PAX2: variants seen among roughly 807,000 people sequenced by gnomAD.
PAX2 encodes paired box protein Pax-2.
In PAX2, 9 loss-of-function variants were observed where a neutral mutation model predicts 41.7. The ratio of observed to expected loss-of-function variants is 0.22; its 90% CI spans 0.13 to 0.38. The LOEUF is 0.38. PAX2 is among the 10% of genes least tolerant of loss of function. The pLI is 1.00. For missense variants in PAX2, 418 were observed against 531.6 expected, an observed-to-expected ratio of 0.79 and a Z score of 2.10; for synonymous variants, 221 against 212.7, an observed-to-expected ratio of 1.04 and a Z score of -0.34.
chr10:100,772,983 G>A (rs930402826), intron 3 of PAX2, among the ~76,000 whole-genome samples: 5 of 152,182 alleles, frequency 3.3e-5, no homozygotes, highest in South Asian at 4.1e-4. Context: ...GAGGTTCAGG[G>A]AAACCTCTCA....
rs1478068496 is a variant in PAX2, at chr10:100,829,457, T to TCCCGC, written c.*1843_*1847dup. On this transcript the variant is annotated 3_prime_UTR_variant, in exon 10 of 10. Transcript: ENST00000355243. ...GGCGGCCGAAGGCCGGGCCGCCCCG[T>TCCCGC]CCCGCCCCGTAGTTGCTCTTTCGGT... 4.9e-6 allele frequency: 1 copy of TCCCGC among 205,802 alleles called. No individual in the cohort carries two copies. The highest frequency in any genetic ancestry group is 1.0e-5 in the Non-Finnish European group (1 of 100,166). 12.7% of individuals were successfully genotyped at this position (205,802 alleles called of 1,614,324 possible).
In PAX2 at chr10:100,791,641, G is replaced by A. The variant is rs567484189; in HGVS notation, c.616+10276G>A. On this transcript the variant is annotated intron_variant, in intron 5 of 9. Coordinates refer to ENST00000355243, the MANE Select transcript of PAX2 (RefSeq NM_000278.5). The surrounding 1 kb of genome is among the most constrained non-coding windows in gnomAD (Gnocchi z 4.5). ...GCCAGTGACAGAGGGAGAGATGCGC[G>A]GACACACTCACACACCCTTGCTGGC... Among the ~76,000 whole-genome samples, 4 of 152,302 alleles carry A rather than the reference G, an allele frequency of 2.6e-5. No individual in the cohort carries two copies. The highest frequency in any genetic ancestry group is 1.3e-4 in the Admixed American group (2 of 15,306).
intron 3 of PAX2, among the ~76,000 whole-genome samples, chr10:100,753,551 C>T (rs192068942): frequency 9.2e-5 from 14 of 152,244 alleles, no homozygotes; most frequent in Middle Eastern, 3.4e-3. Flanking sequence ...CACCGGGGAA[C>T]GGGTGGTTCT....
intron 7 of PAX2, among the ~76,000 whole-genome samples, chr10:100,811,211 T>TAGTG (rs1332043207): frequency 6.6e-6 from 1 of 152,222 alleles, no homozygotes; most frequent in East Asian, 1.9e-4. Context: ...TTTGGATTAA[T>TAGTG]AGTGCCATTA....
At chr10:100,778,922 G>C (rs1846498638) in intron 3 of PAX2, among the ~76,000 whole-genome samples, 1 of 152,318 alleles carries the variant, frequency 6.6e-6, no homozygotes, top group South Asian at 2.1e-4. Context: ...CAAAGGGACT[G>C]TGTGCTGTGT....
At chr10:100,742,274 A>G (rs1258818298), upstream of PAX2, among the ~76,000 whole-genome samples, 1 of 152,178 alleles carries the variant, frequency 6.6e-6, no homozygotes, top group Non-Finnish European at 1.5e-5. Flanking sequence ...TTTGCACAAC[A>G]TGCCCAGAAA....
At chr10:100,825,448 A>G (rs750149073) in intron 8 of PAX2, among the ~76,000 whole-genome samples, 1 of 152,162 alleles carries the variant, frequency 6.6e-6, no homozygotes, top group Non-Finnish European at 1.5e-5. Flanking sequence ...GCTGTATTTA[A>G]GGTCTGGTGA....
rs575538598 is a variant in PAX2, at chr10:100,772,422, G to A, written c.411-7076G>A. Among the ~76,000 whole-genome samples, 30 of 152,332 alleles carry A rather than the reference G, an allele frequency of 2.0e-4. 1 individual carries two copies. The East Asian group carries it at 2.7e-3, about 14-fold the overall frequency. Reference sequence around the variant, plus strand: ...ACCTGCCTCAGCCTCCCAAAGTGCTGGGATTATAGGCATAAGCCACCATGC... The same window carrying A: ...ACCTGCCTCAGCCTCCCAAAGTGCTAGGATTATAGGCATAAGCCACCATGC... On this transcript the variant is annotated intron_variant, in intron 3 of 9. Transcript: ENST00000355243.
At chr10:100,781,454 T>C in intron 5 of PAX2, 89 bp downstream of exon 5, 1 of 1,366,524 alleles carries the variant, frequency 7.3e-7, no homozygotes, top group East Asian at 2.3e-5. Context: ...TCGCAGCTGC[T>C]CTGCTGTGAG....
Position 100,740,069 on chromosome 10 carries a change from C to T in PAX2, c.25+4336C>T, listed in dbSNP as rs576822011. ...GAGCCTCCTCCCAGCCAGGCCTCTC[C>T]CCACCGTCTCCTGTCCGCTCTGGCT... On this transcript the variant is annotated intron_variant, in intron 1 of 9. Transcript: ENST00000679374. Among the ~76,000 whole-genome samples, 5 of 152,336 alleles carry T rather than the reference C, an allele frequency of 3.3e-5. No individual in the cohort carries two copies. The South Asian group carries it at 8.3e-4, about 25-fold the overall frequency.
At chr10:100,790,689 G>A (rs1847077111) in intron 5 of PAX2, among the ~76,000 whole-genome samples, 1 of 152,224 alleles carries the variant, frequency 6.6e-6, no homozygotes, top group African/African-American at 2.4e-5. Context: ...AGGCTAGGGA[G>A]ACCCCAGATC....
At chr10:100,808,463 T>A in intron 6 of PAX2, among the ~76,000 whole-genome samples, 1 of 152,148 alleles carries the variant, frequency 6.6e-6, no homozygotes, top group South Asian at 2.1e-4. Context: ...TGCCCAGCTC[T>A]GGGGTCTGGC....
At chr10:100,752,243 T>C (rs1232999766) in intron 3 of PAX2, among the ~76,000 whole-genome samples, 1 of 152,218 alleles carries the variant, frequency 6.6e-6, no homozygotes, top group Non-Finnish European at 1.5e-5. Context: ...CAGCTAATTA[T>C]ACACCCTCCG....
chr10:100,829,411 G>A lies in PAX2; in HGVS notation c.*1792G>A. 4.9e-6 allele frequency: 1 copy of A among 206,154 alleles called. No individual in the cohort carries two copies. The allele number at this position is 206,154 out of a possible 1,614,324, so 12.8% of individuals were successfully genotyped here. ...CCAGCCCCCGGGCTCGCCCCCTCGC[G>A]GGCGTGCCCCGCGCGCCCCGGGCGG... On this transcript the variant is annotated 3_prime_UTR_variant, in exon 10 of 10. Coordinates refer to ENST00000355243, the MANE Select transcript of PAX2 (RefSeq NM_000278.5).
intron 3 of PAX2, among the ~76,000 whole-genome samples, chr10:100,761,572 A>G (rs1845846216): frequency 6.6e-6 from 1 of 152,274 alleles, no homozygotes; most frequent in Non-Finnish European, 1.5e-5. Flanking sequence ...CTAACTGAGC[A>G]TTAATCGCAT....
At chr10:100,808,973 C>G in intron 6 of PAX2, 137 bp from the exon 7 acceptor site, 3 of 813,776 alleles carry the variant, frequency 3.7e-6, no homozygotes, top group Admixed American at 1.7e-5. Context: ...ACCAAGCCCC[C>G]GCATCTCCCC....
chr10:100,776,209 T>C (rs754148851), intron 3 of PAX2, among the ~76,000 whole-genome samples: 3 of 152,208 alleles, frequency 2.0e-5, no homozygotes, highest in Non-Finnish European at 4.4e-5. Context: ...TTCCAAAAAC[T>C]TCTGAGGCAA....
intron 7 of PAX2, among the ~76,000 whole-genome samples, chr10:100,820,316 CT>C (rs773868195): frequency 3.9e-5 from 6 of 152,208 alleles, no homozygotes; most frequent in Non-Finnish European, 5.9e-5. Flanking sequence ...GTATCATTTA[CT>C]AGCTGTGTAG....
Position 100,750,435 on chromosome 10 carries a change from G to A in PAX2, c.213-259G>A, listed in dbSNP as rs1461641092. Among the ~76,000 whole-genome samples, 1 of 152,162 alleles carries A rather than the reference G, an allele frequency of 6.6e-6. No individual in the cohort carries two copies. The highest frequency in any genetic ancestry group is 2.4e-5 in the African/African-American group (1 of 41,444). On this transcript the variant is annotated intron_variant, in intron 2 of 9. Coordinates refer to ENST00000355243, the MANE Select transcript of PAX2 (RefSeq NM_000278.5). The surrounding 1 kb of genome is among the most constrained non-coding windows in gnomAD (Gnocchi z 4.1). ...TGAAAGGCTGGGCTTTCACTCCCAC[G>A]GGTGCCTATTTGGGCTGGTGCGAAC...
Sources: allele counts gnomAD v4.1 joint callset (sites outside exome capture counted in the v4.1 genomes callset), GRCh38; gene constraint gnomAD v4.1.1; non-coding constraint Gnocchi (gnomAD v3.1); transcripts MANE v1.5; gene names NCBI Gene and HGNC (gene_info 2026-07-23, HGNC 2026-07-21).